DNAJC1: variants seen among roughly 807,000 people sequenced by gnomAD.
The protein encoded by DNAJC1 is DnaJ heat shock protein family (Hsp40) member C1.
A neutral mutation model predicts 76.6 loss-of-function variants in DNAJC1; 58 were observed. The observed-to-expected ratio is 0.76, with a 90% CI of 0.61 to 0.94. The LOEUF is 0.94. Ranked by LOEUF, DNAJC1 falls within the 40% of genes least tolerant of loss-of-function variation. DNAJC1 has a pLI of 0.00. For missense variants in DNAJC1, 689 were observed against 677.3 expected (o/e 1.02, Z -0.19); for synonymous variants, 258 against 267.9 (o/e 0.96, Z 0.36).
intron 8 of DNAJC1, among the ~76,000 whole-genome samples, chr10:21,853,615 G>A (rs1374992596): frequency 6.6e-6 from 1 of 151,664 alleles, no homozygotes; most frequent in Non-Finnish European, 1.5e-5. Context: ...CCAACATGGT[G>A]AAACCCTGTC....
intron 1 of DNAJC1, among the ~76,000 whole-genome samples, chr10:21,963,267 A>G (rs1837831156): frequency 6.6e-6 from 1 of 152,214 alleles, no homozygotes; most frequent in Non-Finnish European, 1.5e-5. Context: ...CATAATTTGA[A>G]TCCCAAACTT....
intron 1 of DNAJC1, among the ~76,000 whole-genome samples, chr10:21,996,850 T>C (rs974543823): frequency 6.6e-6 from 1 of 152,144 alleles, no homozygotes; most frequent in Non-Finnish European, 1.5e-5. Flanking sequence ...ATAAGAAAAC[T>C]AATTTTATGA....
intron 9 of DNAJC1, among the ~76,000 whole-genome samples, chr10:21,779,429 C>T (rs1303765759): frequency 6.6e-6 from 1 of 152,204 alleles, no homozygotes; most frequent in African/African-American, 2.4e-5. Context: ...GCAACATTTG[C>T]TGTTCTGCAA....
At chr10:21,920,017 T>A in intron 4 of DNAJC1, 88 bp from the exon 5 acceptor site, 1 of 783,570 alleles carries the variant, frequency 1.3e-6, no homozygotes, top group Non-Finnish European at 2.0e-6. Context: ...GGGTAAACAT[T>A]ATAGAGGAAC....
intron 9 of DNAJC1, among the ~76,000 whole-genome samples, chr10:21,805,504 A>T (rs1834873227): frequency 6.6e-6 from 1 of 151,462 alleles, no homozygotes; most frequent in Non-Finnish European, 1.5e-5. Flanking sequence ...TACTTATCAA[A>T]CGAACTGTTG....
intron 9 of DNAJC1, among the ~76,000 whole-genome samples, chr10:21,767,357 C>T (rs1649743681): frequency 1.3e-5 from 2 of 150,556 alleles, no homozygotes; most frequent in Admixed American, 1.3e-4. Flanking sequence ...CTTGCTCTTT[C>T]TTCATTTAAC....
intron 1 of DNAJC1, among the ~76,000 whole-genome samples, chr10:21,990,101 T>C (rs1301754423): frequency 6.6e-6 from 1 of 152,224 alleles, no homozygotes; most frequent in South Asian, 2.1e-4. Flanking sequence ...CAAGAGTCTA[T>C]AGCAATTTCT....
At position 22,003,351 on chromosome 10, in the gene DNAJC1, C is replaced by CGG. The variant is rs575609970; in HGVS notation, c.83_84insCC (p.Thr29ArgfsTer31). 7.0e-7 allele frequency: 1 copy of CGG among 1,432,874 alleles called. No homozygotes were observed. Among genetic ancestry groups the CGG allele is most frequent in the African/African-American group, 1.5e-5 (1 of 66,236 alleles). The allele number at this position is 1,432,874 out of a possible 1,614,324, so 88.8% of individuals were successfully genotyped here. On this transcript the variant is annotated frameshift_variant, in exon 1 of 12. Transcript: ENST00000376980. LOFTEE classifies it high-confidence loss of function. ...GCAGCAGCAGCCACAGCAGCGGCGT[C>CGG]CGCGGCGGCGGCGGCGGGAACGGCA... is the stretch of plus-strand genomic sequence containing the variant.
intron 8 of DNAJC1, among the ~76,000 whole-genome samples, chr10:21,835,749 A>T (rs1835441108): frequency 1.3e-5 from 2 of 152,216 alleles, no homozygotes. Flanking sequence ...AACTGAATGA[A>T]ATGAAGCGAG....
At chr10:21,825,310 C>T (rs1037696665) in intron 8 of DNAJC1, among the ~76,000 whole-genome samples, 1 of 152,244 alleles carries the variant, frequency 6.6e-6, no homozygotes, top group African/African-American at 2.4e-5. Flanking sequence ...GGAATTATAT[C>T]ATGTGGCCCT....
intron 7 of DNAJC1, among the ~76,000 whole-genome samples, chr10:21,886,472 C>G (rs1836367575): frequency 6.6e-6 from 1 of 152,146 alleles, no homozygotes; most frequent in African/African-American, 2.4e-5. Context: ...CTCCCAAACT[C>G]ATTCTATGAG....
chr10:21,976,686 T>C (rs996417305), intron 1 of DNAJC1, among the ~76,000 whole-genome samples: 5 of 152,208 alleles, frequency 3.3e-5, no homozygotes, highest in Admixed American at 3.3e-4. Context: ...CCTTGCATTT[T>C]AGGAGTAAGC....
At chr10:21,757,909 C>A (rs1834194703) in intron 11 of DNAJC1, among the ~76,000 whole-genome samples, 1 of 152,148 alleles carries the variant, frequency 6.6e-6, no homozygotes, top group African/African-American at 2.4e-5. Flanking sequence ...GGTGTTCTAT[C>A]CTTAGGAATC....
chr10:21,844,399 G>T (rs898859732), intron 8 of DNAJC1, among the ~76,000 whole-genome samples: 5 of 151,954 alleles, frequency 3.3e-5, no homozygotes, highest in Admixed American at 3.3e-4. Context: ...GAGCCACTGT[G>T]CCTGGCCCAA....
At chr10:21,813,182 C>CTT in intron 8 of DNAJC1, among the ~76,000 whole-genome samples, 1 of 14,712 alleles carries the variant, frequency 6.8e-5, no homozygotes, top group African/African-American at 4.4e-4. Flanking sequence ...CTCCCTCTCT[C>CTT]TCTCTCTCTC....
intron 8 of DNAJC1, among the ~76,000 whole-genome samples, chr10:21,877,808 T>C (rs1483927032): frequency 6.6e-6 from 1 of 152,192 alleles, no homozygotes; most frequent in Non-Finnish European, 1.5e-5. Flanking sequence ...CCCTGGTCAG[T>C]TGAAAACCTA....
At chr10:21,771,861 C>T (rs1415572690) in intron 9 of DNAJC1, among the ~76,000 whole-genome samples, 1 of 152,186 alleles carries the variant, frequency 6.6e-6, no homozygotes, top group Middle Eastern at 3.2e-3. Flanking sequence ...GAGGTATTTA[C>T]ATTAATTGAT....
intron 9 of DNAJC1, 110 bp from the exon 10 acceptor site, chr10:21,766,419 A>G: frequency 1.2e-6 from 1 of 800,718 alleles, no homozygotes; most frequent in East Asian, 2.5e-5. Context: ...ATTGGATCTT[A>G]GGCCTGAAAG....
intron 9 of DNAJC1, among the ~76,000 whole-genome samples, chr10:21,800,589 A>T (rs1260147647): frequency 6.6e-6 from 1 of 152,200 alleles, no homozygotes; most frequent in East Asian, 1.9e-4. Flanking sequence ...CTATCGTGTA[A>T]CTCTTTAGAA....
Sources: gnomAD v4.1 joint callset for allele counts (sites outside exome capture counted in the v4.1 genomes callset) on GRCh38, gnomAD v4.1.1 for gene constraint, MANE v1.5 for transcripts, NCBI Gene and HGNC (gene_info 2026-07-23, HGNC 2026-07-21) for gene names.